Variants in VAV3 observed in about 807,000 individuals in gnomAD.
VAV3 encodes the protein vav guanine nucleotide exchange factor 3.
A neutral mutation model predicts 131.2 loss-of-function variants in VAV3; 94 were observed. The observed-to-expected ratio is 0.72, with a 90% CI of 0.61 to 0.85. VAV3 has a LOEUF of 0.85. Among genes scored for constraint, VAV3 ranks in the 40% least tolerant of loss-of-function variants. VAV3 has a pLI of 0.00. For synonymous variants in VAV3, 349 were observed against 342.0 expected, an observed-to-expected ratio of 1.02 and a Z score of -0.22; for missense variants, 939 against 1,002.7, an observed-to-expected ratio of 0.94 and a Z score of 0.86.
intron 20 of VAV3, among the ~76,000 whole-genome samples, chr1:107,619,272 G>A (rs540202652): frequency 1.3e-5 from 2 of 152,232 alleles, no homozygotes; most frequent in East Asian, 3.9e-4. Context: ...ATAGAAGACA[G>A]AATTTACAGA....
At chr1:107,710,882 C>T (rs1660743943) in intron 15 of VAV3, among the ~76,000 whole-genome samples, 1 of 152,038 alleles carries the variant, frequency 6.6e-6, no homozygotes, top group African/African-American at 2.4e-5. Context: ...GCATTGTGTG[C>T]TTCTAATGAA....
At position 107,688,312 on chromosome 1, in the gene VAV3, A is replaced by C. The variant is rs189809017; in HGVS notation, c.1731+69T>G. The C allele has an allele frequency of 1.2e-5, 19 of 1,558,322 alleles. No homozygotes were observed. In the African/African-American group the frequency reaches 1.4e-4, roughly 11 times the overall value. ...GCACATTTAACAGTGTAAAAGCCCA[A>C]GCCTGGTTAAGTTAGCAAACAACTT... On this transcript the variant is annotated intron_variant, in intron 18 of 26. Coordinates refer to ENST00000370056, the MANE Select transcript of VAV3 (RefSeq NM_006113.5).
At chr1:107,594,815 G>A (rs913199367) in intron 25 of VAV3, among the ~76,000 whole-genome samples, 2 of 152,034 alleles carry the variant, frequency 1.3e-5, no homozygotes, top group Non-Finnish European at 2.9e-5. Flanking sequence ...TGGGACATCT[G>A]TTCTCCCTGT....
intron 2 of VAV3, among the ~76,000 whole-genome samples, chr1:107,829,571 G>A (rs1011851275): frequency 2.6e-5 from 4 of 152,090 alleles, no homozygotes; most frequent in South Asian, 2.1e-4. Context: ...GTCCTGTACA[G>A]TATTTCCTGT....
At chr1:107,767,400 T>C (rs1014084046) in intron 7 of VAV3, among the ~76,000 whole-genome samples, 1 of 152,148 alleles carries the variant, frequency 6.6e-6, no homozygotes, top group African/African-American at 2.4e-5. Flanking sequence ...TCCTTAGTGG[T>C]GTAGAAAGTA....
chr1:107,840,917 CT>C (rs1168826049), intron 2 of VAV3, among the ~76,000 whole-genome samples: 7 of 141,276 alleles, frequency 5.0e-5, no homozygotes, highest in Non-Finnish European at 9.5e-5. Flanking sequence ...TTCAGAGATG[CT>C]TTTAAAAAAA....
At chr1:107,659,795 C>T (rs1656871228) in intron 19 of VAV3, among the ~76,000 whole-genome samples, 1 of 152,058 alleles carries the variant, frequency 6.6e-6, no homozygotes, top group Admixed American at 6.6e-5. Flanking sequence ...TGAGTTAAAA[C>T]CTGCAAATAG....
intron 19 of VAV3, among the ~76,000 whole-genome samples, chr1:107,678,734 AT>A (rs1380830439): frequency 6.6e-6 from 1 of 152,056 alleles, no homozygotes; most frequent in Non-Finnish European, 1.5e-5. Flanking sequence ...TTTTATTTAT[AT>A]AAATGAAAAC....
chr1:107,879,912 T>A (rs926552981), intron 1 of VAV3, among the ~76,000 whole-genome samples: 1 of 152,222 alleles, frequency 6.6e-6, no homozygotes, highest in Non-Finnish European at 1.5e-5. Flanking sequence ...TTAACAAATA[T>A]TCATGAGGTG....
chr1:107,808,018 T>A (rs1310766841), intron 2 of VAV3, among the ~76,000 whole-genome samples: 1 of 152,204 alleles, frequency 6.6e-6, no homozygotes, highest in Non-Finnish European at 1.5e-5. Flanking sequence ...GCTATTTTCA[T>A]AAACCTGACC....
chr1:107,779,401 A>G lies in VAV3; in HGVS notation c.380+33T>C, dbSNP rs1280398212. ...ATAAAGAATCATTACACTGAACTCA[A>G]TGGGACACATGAACAACGAAAACAG... On this transcript the variant is annotated intron_variant, in intron 3 of 26. Coordinates refer to ENST00000370056, the MANE Select transcript of VAV3 (RefSeq NM_006113.5). 7 of 1,558,544 alleles carry G rather than the reference A, an allele frequency of 4.5e-6. No homozygotes were observed. In the African/African-American group the frequency reaches 6.9e-5, roughly 15 times the overall value.
intron 6 of VAV3, among the ~76,000 whole-genome samples, chr1:107,769,334 G>C (rs1256290771): frequency 6.6e-6 from 1 of 152,132 alleles, no homozygotes; most frequent in Non-Finnish European, 1.5e-5. Flanking sequence ...AGTTAAGCAT[G>C]GACATTACCG....
intron 24 of VAV3, among the ~76,000 whole-genome samples, chr1:107,602,069 T>C (rs1309976777): frequency 6.6e-6 from 1 of 152,074 alleles, no homozygotes; most frequent in East Asian, 1.9e-4. Context: ...TTTAAAATAC[T>C]GTCCTCTGCC....
rs921434835 is a variant in VAV3, at chr1:107,806,339, T to C, written c.322-26847A>G. Among the ~76,000 whole-genome samples, 105 of 152,096 alleles carry C rather than the reference T, an allele frequency of 6.9e-4. 2 individuals carry two copies. The highest frequency in any genetic ancestry group is 6.6e-3 in the Admixed American group (100 of 15,264). Reference sequence around the variant, plus strand: ...AAAGGCATCACAGATATGGAAGTTATAGTCTACCATCTGCTTGGAGTGTCT... The same window carrying C: ...AAAGGCATCACAGATATGGAAGTTACAGTCTACCATCTGCTTGGAGTGTCT... On this transcript the variant is annotated intron_variant, in intron 2 of 26. Coordinates refer to ENST00000370056, the MANE Select transcript of VAV3 (RefSeq NM_006113.5).
intron 2 of VAV3, among the ~76,000 whole-genome samples, chr1:107,800,662 A>G (rs1010468139): frequency 6.6e-6 from 1 of 152,094 alleles, no homozygotes; most frequent in Non-Finnish European, 1.5e-5. Flanking sequence ...CCATTTACCT[A>G]TTTTTTAAAT....
chr1:107,593,618 T>TGAA (rs1156631473), intron 25 of VAV3, among the ~76,000 whole-genome samples: 2 of 152,084 alleles, frequency 1.3e-5, no homozygotes, highest in Admixed American at 1.3e-4. Flanking sequence ...GTAAGCAATA[T>TGAA]GAAGACATCT....
At chr1:107,855,753 T>A (rs960329463) in intron 2 of VAV3, among the ~76,000 whole-genome samples, 3 of 151,934 alleles carry the variant, frequency 2.0e-5, no homozygotes, top group African/African-American at 7.3e-5. Flanking sequence ...TGAAAAAAAA[T>A]TCAGCCTAAT....
intron 15 of VAV3, among the ~76,000 whole-genome samples, chr1:107,708,942 A>C (rs923449052): frequency 6.6e-6 from 1 of 151,426 alleles, no homozygotes; most frequent in Non-Finnish European, 1.5e-5. Context: ...CCGCACACCC[A>C]CACACACATA....
chr1:107,766,828 G>A (rs533452514), intron 7 of VAV3, among the ~76,000 whole-genome samples: 2 of 152,150 alleles, frequency 1.3e-5, no homozygotes, highest in East Asian at 3.9e-4. Flanking sequence ...GGGGAAGGCA[G>A]AGGAGAGGGA....
Sources: gnomAD v4.1 joint callset for allele counts (sites outside exome capture counted in the v4.1 genomes callset) on GRCh38, gnomAD v4.1.1 for gene constraint, MANE v1.5 for transcripts, NCBI Gene and HGNC (gene_info 2026-07-23, HGNC 2026-07-21) for gene names.